SYNC: variants seen among roughly 807,000 people sequenced by gnomAD.
The protein encoded by SYNC is syncoilin, intermediate filament protein.
SYNC carries 38 observed loss-of-function variants against 49.5 expected under a neutral mutation model. That is an observed-to-expected ratio of 0.77 (90% confidence interval 0.59 to 1.01). SYNC has a LOEUF of 1.01. Among genes scored for constraint, SYNC ranks in the 50% least tolerant of loss-of-function variants. The probability of loss-of-function intolerance (pLI) is 0.00; values close to 1 mark genes in which losing one functional copy is unlikely to be tolerated. For missense variants in SYNC, 579 were observed against 580.6 expected (o/e 1.00, Z 0.03); for synonymous variants, 201 against 230.8 (o/e 0.87, Z 1.17).
intron 2 of SYNC, chr1:32,684,648 A>G (rs560341325): frequency 4.7e-6 from 2 of 421,322 alleles, no homozygotes; most frequent in East Asian, 4.9e-5. Context: ...GGTGATTGGG[A>G]CTTTTTAGTA....
chr1:32,684,997 T>C (rs398500), intron 2 of SYNC: 126,057 of 151,142 alleles, frequency 0.83, 54,736 homozygotes, highest in Non-Finnish European at 0.96. Flanking sequence ...ATCCTATTGC[T>C]AATTTCCTGC....
At chr1:32,687,342 C>G (rs1251725716) in intron 2 of SYNC, among the ~76,000 whole-genome samples, 1 of 111,166 alleles carries the variant, frequency 9.0e-6, no homozygotes, top group Admixed American at 1.1e-4. Context: ...GCCTGGGGGA[C>G]AAGAGCGAGA....
At chr1:32,696,592 C>T (rs1015632302) in intron 1 of SYNC, among the ~76,000 whole-genome samples, 1 of 151,738 alleles carries the variant, frequency 6.6e-6, no homozygotes, top group East Asian at 1.9e-4. Context: ...GGATTATAGG[C>T]ACACATACCA....
At chr1:32,687,162 C>G (rs1279000616) in intron 2 of SYNC, among the ~76,000 whole-genome samples, 1 of 151,784 alleles carries the variant, frequency 6.6e-6, no homozygotes, top group Non-Finnish European at 1.5e-5. Flanking sequence ...GAGTTCGAGA[C>G]CAGCCTGGCC....
Position 32,692,921 on chromosome 1 carries a change from T to C in SYNC, c.1233+1944A>G, listed in dbSNP as rs192304318. Among the ~76,000 whole-genome samples, 512 of 151,650 alleles carry C rather than the reference T, an allele frequency of 3.4e-3. 3 individuals carry two copies. Among genetic ancestry groups the C allele is most frequent in the Admixed American group, 0.012 (187 of 15,224 alleles). ...TCAGGAGGCTGAAATGAGAATTGCT[T>C]GAACCCGGGAGGTGGAGTTTGCAGT... On this transcript the variant is annotated intron_variant, in intron 2 of 4. Coordinates refer to ENST00000409190, the MANE Select transcript of SYNC (RefSeq NM_030786.3).
intron 2 of SYNC, among the ~76,000 whole-genome samples, chr1:32,692,851 A>G (rs950562968): frequency 3.3e-5 from 5 of 151,772 alleles, no homozygotes; most frequent in African/African-American, 1.2e-4. Flanking sequence ...CTAAAATACA[A>G]AAAATTAGCT....
Position 32,696,063 on chromosome 1 carries a change from A to G in SYNC, c.54-19T>C, listed in dbSNP as rs1170048235. ...TGTTTTCCTGCAAAAGAAATGATTG[A>G]AAGTGAAAGGGCAGCCACAATCCCA... is the stretch of plus-strand genomic sequence containing the variant. On this transcript the variant is annotated intron_variant, in intron 1 of 4. Transcript: ENST00000409190. 6.5e-7 allele frequency: 1 copy of G among 1,528,012 alleles called. No homozygotes were observed. Among genetic ancestry groups the G allele is most frequent in the South Asian group, 1.2e-5 (1 of 83,256 alleles). 94.7% of individuals were successfully genotyped at this position (1,528,012 alleles called of 1,614,324 possible). A position where few individuals can be genotyped will look rare whatever the true frequency, so the allele number is the denominator to read the frequency against.
chr1:32,688,099 T>G (rs1364714543), intron 2 of SYNC, among the ~76,000 whole-genome samples: 1 of 151,966 alleles, frequency 6.6e-6, no homozygotes, highest in Non-Finnish European at 1.5e-5. Flanking sequence ...CCTCCCAAAG[T>G]GCTGGGATTA....
chr1:32,692,775 C>T (rs560189064), intron 2 of SYNC, among the ~76,000 whole-genome samples: 16 of 151,746 alleles, frequency 1.1e-4, no homozygotes, highest in Middle Eastern at 3.5e-3. Context: ...GAGGCTGAGG[C>T]GGGTGGACTG....
intron 2 of SYNC, among the ~76,000 whole-genome samples, chr1:32,693,077 G>T (rs75939675): frequency 0.97 from 142,770 of 147,240 alleles, 69,314 homozygotes; most frequent in South Asian, 1. Context: ...TTTTTTTTTT[G>T]TTTGTTTGTT....
rs1650709481 is a variant in SYNC, at chr1:32,702,591, G to A, written c.53+17C>T. 8.2e-7 allele frequency: 1 copy of A among 1,218,086 alleles called. No individual in the cohort carries two copies. Among genetic ancestry groups the A allele is most frequent in the Admixed American group, 4.3e-5 (1 of 23,136 alleles). 75.5% of individuals were successfully genotyped at this position (1,218,086 alleles called of 1,614,324 possible). A position where few individuals can be genotyped will look rare whatever the true frequency, so the allele number is the denominator to read the frequency against. On this transcript the variant is annotated intron_variant, in intron 1 of 4. Coordinates refer to ENST00000409190, the MANE Select transcript of SYNC (RefSeq NM_030786.3). The surrounding 1 kb of genome is among the most constrained non-coding windows in gnomAD (Gnocchi z 6.2). ...CTTCCCCAGCGGGGCGGCGACGCGGGCCCGGCACTGTCCTACCTCGCGGCC... is the reference window on the plus strand; with the variant it reads ...CTTCCCCAGCGGGGCGGCGACGCGGACCCGGCACTGTCCTACCTCGCGGCC...
chr1:32,693,982 A>T (rs1650286291), intron 2 of SYNC, among the ~76,000 whole-genome samples: 1 of 152,152 alleles, frequency 6.6e-6, no homozygotes, highest in Non-Finnish European at 1.5e-5. Flanking sequence ...CACACCTATA[A>T]TCCTAGCTCT....
At chr1:32,701,979 C>T (rs1226747490) in intron 1 of SYNC, among the ~76,000 whole-genome samples, 1 of 152,070 alleles carries the variant, frequency 6.6e-6, no homozygotes, top group Non-Finnish European at 1.5e-5. Context: ...GTATTTGCAC[C>T]CTCACCTCTT....
chr1:32,692,196 C>A (rs1056407229), intron 2 of SYNC, among the ~76,000 whole-genome samples: 1 of 152,000 alleles, frequency 6.6e-6, no homozygotes, highest in South Asian at 2.1e-4. Context: ...CCACTGCACT[C>A]CAGCCTGGGC....
At chr1:32,687,605 A>G (rs1165893698) in intron 2 of SYNC, among the ~76,000 whole-genome samples, 1 of 150,606 alleles carries the variant, frequency 6.6e-6, no homozygotes, top group East Asian at 2.0e-4. Flanking sequence ...CCGGGAGGCA[A>G]AGGTTACAGT....
At chr1:32,697,236 G>A (rs1349661970) in intron 1 of SYNC, among the ~76,000 whole-genome samples, 1 of 150,848 alleles carries the variant, frequency 6.6e-6, no homozygotes, top group African/African-American at 2.4e-5. Flanking sequence ...GAGGTCGGGA[G>A]TTCAAGACCA....
intron 1 of SYNC, among the ~76,000 whole-genome samples, chr1:32,698,226 A>G (rs1379108678): frequency 6.7e-6 from 1 of 149,450 alleles, no homozygotes; most frequent in African/African-American, 2.5e-5. Context: ...AAAAAAAAAA[A>G]AAAAAAAAAA....
chr1:32,696,356 C>T (rs982776411), intron 1 of SYNC, among the ~76,000 whole-genome samples: 1 of 152,042 alleles, frequency 6.6e-6, no homozygotes, highest in African/African-American at 2.4e-5. Flanking sequence ...GCTGTATTGC[C>T]GAGGCTGGAG....
intron 1 of SYNC, among the ~76,000 whole-genome samples, chr1:32,700,327 C>T (rs951996650): frequency 3.9e-5 from 6 of 152,188 alleles, no homozygotes; most frequent in African/African-American, 1.2e-4. Context: ...CGTGCCGAGC[C>T]GCCCACCTTG....
Sources: allele counts gnomAD v4.1 joint callset (sites outside exome capture counted in the v4.1 genomes callset), GRCh38; gene constraint gnomAD v4.1.1; non-coding constraint Gnocchi (gnomAD v3.1); transcripts MANE v1.5; gene names NCBI Gene and HGNC (gene_info 2026-07-23, HGNC 2026-07-21).